Variants in EPHA6 observed in about 807,000 individuals in gnomAD.
The protein encoded by EPHA6 is EPH receptor A6.
A neutral mutation model predicts 112.0 loss-of-function variants in EPHA6; 50 were observed. The observed-to-expected ratio is 0.45, with a 90% confidence interval of 0.36 to 0.56. The LOEUF is 0.56. Among genes scored for constraint, EPHA6 ranks in the 20% least tolerant of loss-of-function variants. The pLI is 0.00. For synonymous variants in EPHA6, 529 were observed against 490.7 expected, an observed-to-expected ratio of 1.08 and a Z score of -1.03; for missense variants, 1,280 against 1,417.4, an observed-to-expected ratio of 0.90 and a Z score of 1.56.
intron 2 of EPHA6, among the ~76,000 whole-genome samples, chr3:96,945,336 C>T (rs2041198190): frequency 6.6e-6 from 1 of 152,092 alleles, no homozygotes; most frequent in African/African-American, 2.4e-5. Flanking sequence ...TGATGGATTC[C>T]TTGAAATGAA....
At chr3:97,736,468 A>AGTGTGTGT (rs1174431228) in intron 16 of EPHA6, among the ~76,000 whole-genome samples, 5 of 109,644 alleles carry the variant, frequency 4.6e-5, no homozygotes, top group African/African-American at 1.5e-4. Flanking sequence ...AGAGAGAGAG[A>AGTGTGTGT]GAGTGTGTGT....
chr3:97,543,278 G>A (rs1175287909), intron 11 of EPHA6, among the ~76,000 whole-genome samples: 1 of 152,152 alleles, frequency 6.6e-6, no homozygotes. Context: ...TGTATAAGGT[G>A]TAAGGAAGGG....
At chr3:96,968,388 GCA>G (rs148279577) in intron 2 of EPHA6, among the ~76,000 whole-genome samples, 9,798 of 142,992 alleles carry the variant, frequency 0.069, 936 homozygotes, top group African/African-American at 0.21. Flanking sequence ...AATGGTAAAA[GCA>G]CACACACACA....
At chr3:97,199,426 G>A (rs775797952) in intron 3 of EPHA6, among the ~76,000 whole-genome samples, 23 of 152,062 alleles carry the variant, frequency 1.5e-4, no homozygotes, top group Non-Finnish European at 3.1e-4. Context: ...CCCCCTACCC[G>A]TTTCAGAGAT....
intron 3 of EPHA6, among the ~76,000 whole-genome samples, chr3:97,148,588 C>T (rs572279455): frequency 1.3e-4 from 20 of 151,994 alleles, no homozygotes; most frequent in African/African-American, 2.2e-4. Context: ...TGAGATGATG[C>T]GAATGCTTTT....
At chr3:97,038,647 C>T (rs1463593824) in intron 3 of EPHA6, among the ~76,000 whole-genome samples, 2 of 152,078 alleles carry the variant, frequency 1.3e-5, no homozygotes. Flanking sequence ...CCCTTTGTCT[C>T]TGGCTGTCCT....
intron 3 of EPHA6, among the ~76,000 whole-genome samples, chr3:97,156,381 A>G (rs908171772): frequency 6.6e-6 from 1 of 152,164 alleles, no homozygotes; most frequent in African/African-American, 2.4e-5. Context: ...CCAAAAATGT[A>G]ATTTAATAAA....
At chr3:97,355,335 A>G (rs545297264) in intron 5 of EPHA6, among the ~76,000 whole-genome samples, 20 of 152,356 alleles carry the variant, frequency 1.3e-4, no homozygotes, top group African/African-American at 4.8e-4. Context: ...ATAATAAGAT[A>G]TAAATAGAAA....
intron 14 of EPHA6, among the ~76,000 whole-genome samples, chr3:97,678,790 C>A (rs1282614665): frequency 6.6e-6 from 1 of 151,996 alleles, no homozygotes; most frequent in Non-Finnish European, 1.5e-5. Flanking sequence ...AATACAAGCC[C>A]TGATTTCACT....
At chr3:97,262,173 C>T (rs1249042571) in intron 5 of EPHA6, among the ~76,000 whole-genome samples, 1 of 152,166 alleles carries the variant, frequency 6.6e-6, no homozygotes, top group Non-Finnish European at 1.5e-5. Flanking sequence ...TTATGGACTA[C>T]AGGTGGCTTC....
chr3:97,273,405 C>T (rs756309656), intron 5 of EPHA6, among the ~76,000 whole-genome samples: 13 of 152,048 alleles, frequency 8.5e-5, no homozygotes, highest in South Asian at 2.1e-4. Context: ...TATGACTAGA[C>T]AGAAGATAGT....
intron 5 of EPHA6, among the ~76,000 whole-genome samples, chr3:97,282,991 A>G (rs2080339664): frequency 6.6e-6 from 1 of 152,216 alleles, no homozygotes; most frequent in Non-Finnish European, 1.5e-5. Flanking sequence ...AGAACTTAAA[A>G]TAAAATAAAA....
At chr3:96,979,669 A>G (rs539610842) in intron 2 of EPHA6, among the ~76,000 whole-genome samples, 7 of 152,294 alleles carry the variant, frequency 4.6e-5, no homozygotes, top group African/African-American at 9.6e-5. Flanking sequence ...ACCCACCAAC[A>G]GTGTAAAAGT....
chr3:97,170,827 C>T (rs965709691), intron 3 of EPHA6, among the ~76,000 whole-genome samples: 4 of 152,154 alleles, frequency 2.6e-5, no homozygotes, highest in African/African-American at 9.7e-5. Flanking sequence ...TACATATGCA[C>T]TCTTCATATT....
intron 3 of EPHA6, among the ~76,000 whole-genome samples, chr3:96,996,550 T>C (rs912539589): frequency 2.6e-5 from 4 of 152,108 alleles, no homozygotes; most frequent in Non-Finnish European, 5.9e-5. Context: ...CTAGCAGATA[T>C]GAAAGCAACA....
At chr3:96,993,795 GC>G (rs768523568) in intron 3 of EPHA6, among the ~76,000 whole-genome samples, 40 of 152,062 alleles carry the variant, frequency 2.6e-4, no homozygotes, top group Non-Finnish European at 5.1e-4. Context: ...CTGGAACTTT[GC>G]TTTTAGAGAT....
chr3:96,822,024 A>G (rs533234914), intron 1 of EPHA6, among the ~76,000 whole-genome samples: 43 of 152,042 alleles, frequency 2.8e-4, no homozygotes, highest in African/African-American at 8.7e-4. Flanking sequence ...GGAAGAGAGT[A>G]AAGAATTGCT....
At chr3:97,194,876 A>T (rs778421120) in intron 3 of EPHA6, among the ~76,000 whole-genome samples, 6 of 151,986 alleles carry the variant, frequency 3.9e-5, no homozygotes, top group Non-Finnish European at 5.9e-5. Flanking sequence ...TGACTTAAGT[A>T]TAGCAACATT....
At chr3:96,877,915 A>C (rs183295807) in intron 2 of EPHA6, among the ~76,000 whole-genome samples, 1 of 126,408 alleles carries the variant, frequency 7.9e-6, no homozygotes, top group Non-Finnish European at 1.5e-5. Flanking sequence ...GTGTGTGTGT[A>C]TATATATATA....
Sources: gnomAD v4.1 joint callset for allele counts (sites outside exome capture counted in the v4.1 genomes callset) on GRCh38, gnomAD v4.1.1 for gene constraint, MANE v1.5 for transcripts, NCBI Gene and HGNC (gene_info 2026-07-23, HGNC 2026-07-21) for gene names.